ARMC3: variants seen among roughly 807,000 people sequenced by gnomAD.
The protein encoded by ARMC3 is armadillo repeat-containing protein 3.
A neutral mutation model predicts 90.3 loss-of-function variants in ARMC3; 74 were observed. That is an observed-to-expected ratio of 0.82 (90% CI 0.68 to 0.99). ARMC3 has a LOEUF of 0.99. Among genes scored for constraint, ARMC3 ranks in the 50% least tolerant of loss-of-function variants. The pLI is 0.00. For synonymous variants in ARMC3, 334 were observed against 361.8 expected (o/e 0.92, Z 0.87); for missense variants, 958 against 1,042.8 (o/e 0.92, Z 1.12).
chr10:23,003,046 G>A (rs1188284398), intron 12 of ARMC3, among the ~76,000 whole-genome samples, 200 bp from the exon 13 acceptor site: 2 of 152,104 alleles, frequency 1.3e-5, no homozygotes, highest in African/African-American at 2.4e-5. Flanking sequence ...TTGAACATGA[G>A]TTACTACTTG....
chr10:22,956,868 T>C (rs1834964604), intron 4 of ARMC3, among the ~76,000 whole-genome samples: 1 of 150,592 alleles, frequency 6.6e-6, no homozygotes, highest in African/African-American at 2.4e-5. Flanking sequence ...ATAATATTAG[T>C]TAAAAGATGC....
chr10:23,020,920 A>G (rs1444583567), intron 16 of ARMC3, among the ~76,000 whole-genome samples: 3 of 152,140 alleles, frequency 2.0e-5, no homozygotes, highest in African/African-American at 7.2e-5. Context: ...TGAGCCCAAT[A>G]CCAACAGGTA....
intron 4 of ARMC3, among the ~76,000 whole-genome samples, chr10:22,956,251 T>A (rs981155567): frequency 2.0e-5 from 3 of 152,256 alleles, no homozygotes; most frequent in Non-Finnish European, 4.4e-5. Flanking sequence ...CCTGCCTATA[T>A]GTATCTTACA....
intron 10 of ARMC3, among the ~76,000 whole-genome samples, chr10:22,991,863 A>G (rs1434596652): frequency 1.3e-5 from 2 of 152,188 alleles, no homozygotes; most frequent in African/African-American, 4.8e-5. Context: ...AATCAACAAC[A>G]TGGTATCTCT....
intron 10 of ARMC3, among the ~76,000 whole-genome samples, chr10:22,983,779 CAT>C (rs1053122307): frequency 3.9e-5 from 6 of 152,194 alleles, no homozygotes; most frequent in Admixed American, 1.3e-4. Flanking sequence ...GAATAAACCA[CAT>C]AGTCCTTCTA....
chr10:22,991,379 C>T (rs985633546), intron 10 of ARMC3, among the ~76,000 whole-genome samples: 9 of 152,258 alleles, frequency 5.9e-5, no homozygotes, highest in Middle Eastern at 3.4e-3. Flanking sequence ...TCCGTCGGTA[C>T]AGCTGTTATC....
chr10:22,990,587 A>G (rs1489899042), intron 10 of ARMC3, among the ~76,000 whole-genome samples: 2 of 152,162 alleles, frequency 1.3e-5, no homozygotes, highest in African/African-American at 4.8e-5. Flanking sequence ...GAGCAGTCCT[A>G]TGGGGGAAGG....
At chr10:23,034,851 C>G (rs2131578433) in intron 18 of ARMC3, among the ~76,000 whole-genome samples, 1 of 152,222 alleles carries the variant, frequency 6.6e-6, no homozygotes. Flanking sequence ...CTTCATATGG[C>G]CTTAAATAGT....
intron 13 of ARMC3, 25 bp downstream of exon 13, chr10:23,003,439 T>A: frequency 6.4e-7 from 1 of 1,556,438 alleles, no homozygotes; most frequent in Non-Finnish European, 8.7e-7. Context: ...TTATTTGTAG[T>A]TTAGTATGTA....
At chr10:23,028,114 A>C (rs1274891436) in intron 16 of ARMC3, among the ~76,000 whole-genome samples, 2 of 152,302 alleles carry the variant, frequency 1.3e-5, no homozygotes, top group African/African-American at 2.4e-5. Flanking sequence ...AGTGCACCCC[A>C]GCCTGGGCAA....
intron 16 of ARMC3, among the ~76,000 whole-genome samples, chr10:23,015,814 T>TAC (rs1184685161): frequency 6.6e-6 from 1 of 152,208 alleles, no homozygotes; most frequent in Non-Finnish European, 1.5e-5. Context: ...ACAGATATTG[T>TAC]CTCTTAGTCA....
chr10:22,970,042 C>T (rs1288971000), intron 8 of ARMC3, among the ~76,000 whole-genome samples: 1 of 152,104 alleles, frequency 6.6e-6, no homozygotes, highest in Non-Finnish European at 1.5e-5. Context: ...TATTCGTTTA[C>T]TCATGATTTC....
rs116716920 is a variant in ARMC3 at position 22,955,603 on chromosome 10, T to G, written c.167-204T>G. Among the ~76,000 whole-genome samples the G allele has an allele frequency of 4.4e-3, 664 of 152,244 alleles. 6 individuals are homozygous for G. Among genetic ancestry groups the G allele is most frequent in the African/African-American group, 0.015 (611 of 41,552 alleles). ...TGTGAGCTCAGAACTGAAGACAAGA[T>G]GAAGCCAGCTTTGTAAACAGGGGAA... On this transcript the variant is annotated intron_variant, in intron 3 of 18. Transcript: ENST00000298032.
intron 8 of ARMC3, among the ~76,000 whole-genome samples, chr10:22,973,949 G>A (rs1282898189): frequency 1.1e-4 from 17 of 151,446 alleles, no homozygotes; most frequent in Admixed American, 6.6e-5. Context: ...TAGTAAAGAC[G>A]GGGTTTCACC....
Position 23,006,869 on chromosome 10 carries a change from T to C in ARMC3, c.1732-15T>C, listed in dbSNP as rs1349396868. On this transcript the variant is annotated splice_polypyrimidine_tract_variant and intron_variant, in intron 13 of 18. Coordinates refer to ENST00000298032, the MANE Select transcript of ARMC3 (RefSeq NM_173081.5). The stretch of plus-strand genomic sequence containing the variant: ...CCTGCAGATACTACTTTTTGGTCCT[T>C]AAATTATCTCACAGATAAATCCCGG... The C allele has an allele frequency of 1.2e-6, 2 of 1,612,910 alleles. No homozygotes were observed. Among genetic ancestry groups the C allele is most frequent in the Non-Finnish European group, 8.5e-7 (1 of 1,179,098 alleles).
At position 23,014,549 on chromosome 10, in the gene ARMC3, C is replaced by A; in HGVS notation, c.2045+5618C>A. The A allele has an allele frequency of 1.3e-5, 12 of 937,754 alleles. No individual in the cohort carries two copies. In the South Asian group the frequency reaches 2.3e-4, roughly 18 times the overall value. 58.1% of individuals were successfully genotyped at this position (937,754 alleles called of 1,614,324 possible). On this transcript the variant is annotated intron_variant, in intron 16 of 18. Coordinates refer to ENST00000298032, the MANE Select transcript of ARMC3 (RefSeq NM_173081.5). ...ACAATAGCAAAGACATGGGATCAACCTAAATGCCCATCAATGATCGACTGG... is the reference window on the plus strand; with the variant it reads ...ACAATAGCAAAGACATGGGATCAACATAAATGCCCATCAATGATCGACTGG...
chr10:22,959,104 C>T lies in ARMC3; in HGVS notation c.327C>T (p.Val109=). The change falls in exon 5 of 19, where the codon GTC becomes GTT. Residue 109 remains valine (V), a synonymous_variant. Coordinates refer to ENST00000298032, the MANE Select transcript of ARMC3 (RefSeq NM_173081.5). ...DVKKLLRELD[V]MNSVIAQLAP... is the part of the protein sequence containing the mutation. ...AAAAATTGTTAAGGGAGTTAGATGT[C>T]ATGAATTCTGTCATTGCCCAGCTCG... The T allele has an allele frequency of 6.2e-7, 1 of 1,613,220 alleles. No homozygotes were observed. The highest frequency in any genetic ancestry group is 8.5e-7 in the Non-Finnish European group (1 of 1,179,204).
At chr10:22,980,538 CA>C (rs1836141144) in intron 8 of ARMC3, among the ~76,000 whole-genome samples, 1 of 151,688 alleles carries the variant, frequency 6.6e-6, no homozygotes, top group Non-Finnish European at 1.5e-5. Flanking sequence ...GAACACAAAA[CA>C]AAAAATTATT....
chr10:22,998,835 CGTT>C (rs1837147195), intron 11 of ARMC3, among the ~76,000 whole-genome samples: 1 of 152,154 alleles, frequency 6.6e-6, no homozygotes, highest in African/African-American at 2.4e-5. Context: ...AGCAAAAACA[CGTT>C]GTAGAAAAAT....
Sources: gnomAD v4.1 joint callset for allele counts (sites outside exome capture counted in the v4.1 genomes callset) on GRCh38, gnomAD v4.1.1 for gene constraint, MANE v1.5 for transcripts, NCBI Gene and HGNC (gene_info 2026-07-23, HGNC 2026-07-21) for gene names.